Variants in TEX9 observed in about 807,000 individuals in gnomAD.
The protein encoded by TEX9 is testis-expressed protein 9.
In TEX9, 74 loss-of-function variants were observed where a neutral mutation model predicts 59.6. The observed-to-expected ratio is 1.24, with a 90% confidence interval of 1.03 to 1.51. The LOEUF (loss-of-function observed/expected upper bound fraction) is 1.51, where lower values mean the gene tolerates loss of function less well. Ranked by LOEUF, TEX9 falls within the 40% of genes most tolerant of loss-of-function variation. The probability of loss-of-function intolerance (pLI) is 0.00; values close to 1 mark genes in which losing one functional copy is unlikely to be tolerated. For missense variants in TEX9, 522 were observed against 447.8 expected (o/e 1.17, Z -1.49); for synonymous variants, 186 against 152.2 (o/e 1.22, Z -1.64).
At chr15:56,350,702 T>G (rs1401182435) in intron 1 of TEX9, among the ~76,000 whole-genome samples, 1 of 152,212 alleles carries the variant, frequency 6.6e-6, no homozygotes, top group Non-Finnish European at 1.5e-5. Flanking sequence ...ATACTTTTTT[T>G]TATTCATTTC....
chr15:56,395,883 A>G (rs576803370), intron 9 of TEX9: 14 of 152,316 alleles, frequency 9.2e-5, no homozygotes, highest in African/African-American at 2.9e-4. Context: ...GTCCCTTATC[A>G]GGTATATTTT....
At position 56,267,917 on chromosome 15, in the gene TEX9, A is replaced by G. The variant is rs572943152; in HGVS notation, c.-107+23639A>G. Reference sequence around the variant, plus strand: ...GCATTGAATCTATAAATTACCTTAAACAGTATGGCCATTTTCACGATATTG... The same window carrying G: ...GCATTGAATCTATAAATTACCTTAAGCAGTATGGCCATTTTCACGATATTG... On this transcript the variant is annotated intron_variant, in intron 1 of 5. Coordinates refer to the TEX9 transcript ENST00000560827. 2.1e-3 allele frequency among the ~76,000 whole-genome samples: 322 copies of G among 152,144 alleles called. 2 individuals are homozygous for G. Among genetic ancestry groups the G allele is most frequent in the Non-Finnish European group, 3.6e-3 (248 of 67,984 alleles).
At chr15:56,316,619 C>T (rs1274921506) in intron 1 of TEX9, among the ~76,000 whole-genome samples, 1 of 152,096 alleles carries the variant, frequency 6.6e-6, no homozygotes, top group African/African-American at 2.4e-5. Context: ...CTGCGCCCTG[C>T]CCCCAGAGGT....
chr15:56,429,943 A>T (rs988832154), intron 12 of TEX9: 2 of 152,196 alleles, frequency 1.3e-5, no homozygotes, highest in African/African-American at 2.4e-5. Flanking sequence ...AATTTAGTTT[A>T]TGAAATGTAT....
At chr15:56,358,804 A>T (rs2046736635) in intron 1 of TEX9, among the ~76,000 whole-genome samples, 1 of 152,068 alleles carries the variant, frequency 6.6e-6, no homozygotes, top group Non-Finnish European at 1.5e-5. Context: ...GGTGTCCCCC[A>T]TGCTGTTCTC....
intron 7 of TEX9, among the ~76,000 whole-genome samples, chr15:56,391,624 T>C (rs909559016): frequency 4.6e-5 from 7 of 152,172 alleles, no homozygotes; most frequent in East Asian, 3.9e-4. Flanking sequence ...TTGTTAAAGA[T>C]AGGTGGTGGG....
rs527971157 is a variant in TEX9 at position 56,303,605 on chromosome 15, C to T, written c.-107+59327C>T. Among the ~76,000 whole-genome samples, 173 of 152,018 alleles carry T rather than the reference C, an allele frequency of 1.1e-3. 1 individual carries two copies. The highest frequency in any genetic ancestry group is 3.8e-3 in the African/African-American group (156 of 41,498). ...CAAAATAGAAGAAAAATTTCAAAAA[C>T]AACCTAATGATGCATCATAAAGAAC... On this transcript the variant is annotated intron_variant, in intron 1 of 5. Coordinates refer to the TEX9 transcript ENST00000560827.
intron 12 of TEX9, chr15:56,444,708 A>T (rs1331210433): frequency 1.3e-6 from 2 of 1,507,294 alleles, no homozygotes; most frequent in African/African-American, 2.8e-5. Context: ...TTCCGTTTTC[A>T]AATTTGAACA....
At chr15:56,391,367 C>T (rs2048201848) in exon 7 of TEX9, 3 of 1,586,766 alleles carry the variant, frequency 1.9e-6, no homozygotes, top group Non-Finnish European at 8.6e-7. Context: ...AGAAGGCTTA[C>T]CTGAATATAT....
the TEX9 span, among the ~76,000 whole-genome samples, chr15:56,455,454 A>G: frequency 6.6e-6 from 1 of 152,178 alleles, no homozygotes; most frequent in African/African-American, 2.4e-5. Context: ...ACATATTAAT[A>G]TAATTTAACA....
In TEX9 at chr15:56,398,540, C is replaced by T. The variant is rs192279015; in HGVS notation, c.828+3706C>T. Among the ~76,000 whole-genome samples, 981 of 152,302 alleles carry T rather than the reference C, an allele frequency of 6.4e-3. 2 individuals carry two copies. The highest frequency in any genetic ancestry group is 9.7e-3 in the Non-Finnish European group (661 of 68,022). On this transcript the variant is annotated intron_variant, in intron 9 of 12. Coordinates refer to ENST00000352903, the Ensembl canonical transcript of TEX9. Reference sequence around the variant, plus strand: ...AGCTCTGTCACATCACTGTTCTAGTCTCAGATAATCTTGAAACCTTGGTTA... The same window carrying T: ...AGCTCTGTCACATCACTGTTCTAGTTTCAGATAATCTTGAAACCTTGGTTA...
intron 1 of TEX9, among the ~76,000 whole-genome samples, chr15:56,327,653 C>G (rs1344069100): frequency 6.6e-6 from 1 of 152,010 alleles, no homozygotes; most frequent in African/African-American, 2.4e-5. Context: ...CATGCCATCA[C>G]AGCAGCCTCG....
intron 12 of TEX9, among the ~76,000 whole-genome samples, chr15:56,437,963 AGAC>A (rs1411600893): frequency 1.3e-5 from 2 of 152,236 alleles, no homozygotes; most frequent in Non-Finnish European, 2.9e-5. Context: ...ACGAAATAAA[AGAC>A]GACACAAACA....
chr15:56,349,957 G>T lies in TEX9; in HGVS notation c.-106-23484G>T, dbSNP rs16976870. Reference sequence around the variant, plus strand: ...TGTTCATTTGTCAAGAATCGGTTAAGACTTTACCTTCTCAGAGAAGCCCTC... The same window carrying T: ...TGTTCATTTGTCAAGAATCGGTTAATACTTTACCTTCTCAGAGAAGCCCTC... On this transcript the variant is annotated intron_variant, in intron 1 of 5. Coordinates refer to the TEX9 transcript ENST00000560827. 4.8e-3 allele frequency among the ~76,000 whole-genome samples: 732 copies of T among 152,090 alleles called. 5 individuals carry two copies. The highest frequency in any genetic ancestry group is 0.017 in the African/African-American group (691 of 41,504).
At chr15:56,434,690 C>T (rs1245335527) in intron 12 of TEX9, among the ~76,000 whole-genome samples, 2 of 151,994 alleles carry the variant, frequency 1.3e-5, no homozygotes, top group Non-Finnish European at 1.5e-5. Flanking sequence ...TTACAAAAGC[C>T]TTTTTTGCAC....
chr15:56,418,935 A>G (rs1001690444), intron 10 of TEX9, among the ~76,000 whole-genome samples: 1 of 152,068 alleles, frequency 6.6e-6, no homozygotes, highest in East Asian at 1.9e-4. Context: ...GTAAGTTTTT[A>G]GAATCACATT....
At chr15:56,370,089 A>C (rs1449836163) in intron 2 of TEX9, among the ~76,000 whole-genome samples, 1 of 152,194 alleles carries the variant, frequency 6.6e-6, no homozygotes, top group East Asian at 1.9e-4. Context: ...TAATATATTT[A>C]CATTATTACA....
rs369558932 is a variant in TEX9, at chr15:56,441,551, T to C, written c.*30-4120T>C. The stretch of plus-strand genomic sequence containing the variant: ...AAGCAATTGTAACAAAAACAAAAAT[T>C]GACAAGTGGGACCTAGTTAAACTAA... On this transcript the variant is annotated intron_variant, in intron 12 of 12. Coordinates refer to ENST00000352903, the Ensembl canonical transcript of TEX9. Among the ~76,000 whole-genome samples, 3 of 152,256 alleles carry C rather than the reference T, an allele frequency of 2.0e-5. 1 individual carries two copies. Among genetic ancestry groups the C allele is most frequent in the Admixed American group, 6.5e-5 (1 of 15,280 alleles).
intron 1 of TEX9, among the ~76,000 whole-genome samples, chr15:56,303,485 GAAAC>G (rs1256470800): frequency 6.6e-6 from 1 of 152,018 alleles, no homozygotes; most frequent in African/African-American, 2.4e-5. Flanking sequence ...AAACTTTCTT[GAAAC>G]AAATGAAAAT....
Sources: gnomAD v4.1 joint callset for allele counts (sites outside exome capture counted in the v4.1 genomes callset) on GRCh38, gnomAD v4.1.1 for gene constraint, MANE v1.5 for transcripts, NCBI Gene and HGNC (gene_info 2026-07-23, HGNC 2026-07-21) for gene names.